The following ATRNL1 variants were observed in gnomAD, a reference collection of about 807,000 sequenced individuals.
The protein encoded by ATRNL1 is attractin-like protein 1.
In ATRNL1, 95 loss-of-function variants were observed where a neutral mutation model predicts 182.7. The observed-to-expected ratio is 0.52, with a 90% CI of 0.44 to 0.62. The LOEUF (loss-of-function observed/expected upper bound fraction) is 0.62. Among genes scored for constraint, ATRNL1 ranks in the 20% least tolerant of loss-of-function variants. ATRNL1 has a pLI of 0.00. For synonymous variants in ATRNL1, 576 were observed against 568.3 expected (o/e 1.01, Z -0.19); for missense variants, 1,471 against 1,679.5 (o/e 0.88, Z 2.17).
At position 115,243,262 on chromosome 10, in the gene ATRNL1, A is replaced by AT. The variant is rs782223118; in HGVS notation, c.1687+1544dup. On this transcript the variant is annotated intron_variant, in intron 10 of 28. Coordinates refer to ENST00000355044, the MANE Select transcript of ATRNL1 (RefSeq NM_207303.4). ...GCTGACAAAATGGGAATGTATTTTT[A>AT]TTTTTTTCATATTGTTGAAGATTAT... Among the ~76,000 whole-genome samples, 17 of 152,066 alleles carry AT rather than the reference A, an allele frequency of 1.1e-4. No individual in the cohort carries two copies. In the East Asian group the frequency reaches 3.3e-3, roughly 29 times the overall value.
chr10:115,867,320 T>A (rs973339478), intron 28 of ATRNL1, among the ~76,000 whole-genome samples: 7 of 152,232 alleles, frequency 4.6e-5, no homozygotes, highest in Non-Finnish European at 8.8e-5. Context: ...TAATGTCATC[T>A]TGATAACACA....
At chr10:115,147,942 G>A (rs2143870865) in intron 5 of ATRNL1, among the ~76,000 whole-genome samples, 1 of 152,104 alleles carries the variant, frequency 6.6e-6, no homozygotes, top group South Asian at 2.1e-4. Flanking sequence ...TTGGCTATTG[G>A]CCTCTTTTTT....
intron 25 of ATRNL1, among the ~76,000 whole-genome samples, chr10:115,532,093 G>C (rs1391574669): frequency 6.6e-6 from 1 of 151,572 alleles, no homozygotes; most frequent in Admixed American, 6.6e-5. Context: ...TTTGGCTTAG[G>C]ATTCACTTGG....
chr10:115,188,166 A>G (rs2144213550), intron 8 of ATRNL1, among the ~76,000 whole-genome samples: 1 of 152,172 alleles, frequency 6.6e-6, no homozygotes, highest in South Asian at 2.1e-4. Context: ...GGGAATCTGA[A>G]TGACAGGTAT....
At chr10:115,522,139 T>C (rs1014283545) in intron 25 of ATRNL1, among the ~76,000 whole-genome samples, 1 of 152,196 alleles carries the variant, frequency 6.6e-6, no homozygotes, top group Non-Finnish European at 1.5e-5. Context: ...CTTAATGTTT[T>C]ATGCCATCTT....
intron 26 of ATRNL1, among the ~76,000 whole-genome samples, chr10:115,646,815 T>C (rs1429573945): frequency 6.6e-6 from 1 of 152,050 alleles, no homozygotes; most frequent in African/African-American, 2.4e-5. Context: ...TTATTATACT[T>C]TAAGTTCTAG....
intron 5 of ATRNL1, among the ~76,000 whole-genome samples, chr10:115,133,562 C>T (rs1444219802): frequency 1.3e-5 from 2 of 152,074 alleles, no homozygotes; most frequent in East Asian, 3.9e-4. Context: ...TCCTTAGAGG[C>T]CCACAAAGAG....
chr10:115,734,175 C>T (rs1166247315), intron 27 of ATRNL1, among the ~76,000 whole-genome samples: 3 of 134,956 alleles, frequency 2.2e-5, no homozygotes, highest in African/African-American at 7.5e-5. Context: ...GTATATAACT[C>T]GATCTTACTT....
chr10:115,716,981 C>T (rs1335356791), intron 26 of ATRNL1, among the ~76,000 whole-genome samples: 3 of 152,216 alleles, frequency 2.0e-5, no homozygotes, highest in South Asian at 2.1e-4. Flanking sequence ...CTCATTTTTG[C>T]TCTTTGAGGA....
intron 27 of ATRNL1, among the ~76,000 whole-genome samples, chr10:115,839,410 G>A (rs868933815): frequency 6.6e-6 from 1 of 152,080 alleles, no homozygotes; most frequent in Non-Finnish European, 1.5e-5. Flanking sequence ...GCTAACGGGG[G>A]ACCTGGATAT....
At chr10:115,760,927 G>A (rs1555073433) in intron 27 of ATRNL1, among the ~76,000 whole-genome samples, 1 of 152,210 alleles carries the variant, frequency 6.6e-6, no homozygotes, top group Non-Finnish European at 1.5e-5. Flanking sequence ...CAGTTTGTTA[G>A]CTTTAGGATA....
At chr10:115,855,958 A>C (rs1555101849) in intron 28 of ATRNL1, among the ~76,000 whole-genome samples, 1 of 152,158 alleles carries the variant, frequency 6.6e-6, no homozygotes, top group Non-Finnish European at 1.5e-5. Flanking sequence ...TAATTTTTTT[A>C]ACTATTTTAT....
intron 5 of ATRNL1, among the ~76,000 whole-genome samples, chr10:115,140,241 T>C (rs782359734): frequency 7.2e-5 from 11 of 152,356 alleles, no homozygotes; most frequent in South Asian, 6.2e-4. Flanking sequence ...TTTTCTGTTA[T>C]ATGTAGTGAA....
At chr10:115,545,096 A>G (rs1488666353) in intron 25 of ATRNL1, among the ~76,000 whole-genome samples, 5 of 152,084 alleles carry the variant, frequency 3.3e-5, no homozygotes, top group Non-Finnish European at 5.9e-5. Flanking sequence ...AGAAAAAATG[A>G]TGTTATTCAA....
chr10:115,214,257 GT>G (rs1472536330), intron 8 of ATRNL1, among the ~76,000 whole-genome samples: 6 of 151,510 alleles, frequency 4.0e-5, no homozygotes, highest in Non-Finnish European at 8.8e-5. Flanking sequence ...TAAGGATCAA[GT>G]TTATCTTTAT....
intron 15 of ATRNL1, among the ~76,000 whole-genome samples, chr10:115,299,212 A>G (rs1418738335): frequency 2.0e-5 from 3 of 151,860 alleles, no homozygotes; most frequent in Non-Finnish European, 1.5e-5. Flanking sequence ...TAATATAAAA[A>G]ATTGTAAAGA....
intron 19 of ATRNL1, among the ~76,000 whole-genome samples, chr10:115,385,579 G>GT (rs1232343713): frequency 2.6e-5 from 4 of 151,876 alleles, no homozygotes; most frequent in Non-Finnish European, 4.4e-5. Flanking sequence ...TAAATTATAT[G>GT]TTTTTTTCTT....
chr10:115,375,030 A>G (rs980734004), intron 19 of ATRNL1, among the ~76,000 whole-genome samples: 3 of 151,334 alleles, frequency 2.0e-5, no homozygotes, highest in African/African-American at 7.3e-5. Flanking sequence ...TTTTTTTTTA[A>G]TAGACATTTT....
chr10:115,502,543 T>A (rs1003018214), intron 24 of ATRNL1, among the ~76,000 whole-genome samples: 22 of 152,106 alleles, frequency 1.4e-4, no homozygotes, highest in South Asian at 8.3e-4. Context: ...GCCAATTAAT[T>A]TTTTTTTAAT....
Sources: allele counts gnomAD v4.1 joint callset (sites outside exome capture counted in the v4.1 genomes callset), GRCh38; gene constraint gnomAD v4.1.1; transcripts MANE v1.5; gene names NCBI Gene and HGNC (gene_info 2026-07-23, HGNC 2026-07-21).